PDLIM5: variants seen among roughly 807,000 people sequenced by gnomAD.
The protein encoded by PDLIM5 is PDZ and LIM domain protein 5.
In PDLIM5, 34 loss-of-function variants were observed where a neutral mutation model predicts 64.2. The observed-to-expected ratio is 0.53, with a 90% CI of 0.40 to 0.71. The LOEUF (loss-of-function observed/expected upper bound fraction) is 0.71. Among genes scored for constraint, PDLIM5 ranks in the 30% least tolerant of loss-of-function variants. The pLI is 0.00. For synonymous variants in PDLIM5, 253 were observed against 269.1 expected (o/e 0.94, Z 0.59); for missense variants, 683 against 733.6 (o/e 0.93, Z 0.80).
intron 8 of PDLIM5, among the ~76,000 whole-genome samples, chr4:94,620,320 GC>G (rs1425132637): frequency 6.6e-6 from 1 of 152,098 alleles, no homozygotes; most frequent in Non-Finnish European, 1.5e-5. Flanking sequence ...GATCACTTGA[GC>G]CCAGGAGTTT....
At position 94,649,523 on chromosome 4, in the gene PDLIM5, A is replaced by G. The variant is rs1366015420; in HGVS notation, c.1284-4937A>G. ...CAGCCTTTAATATCTAACATGCCAT[A>G]TATTTTATTTATCTTACTGTCATCT... On this transcript the variant is annotated intron_variant, in intron 9 of 12. Coordinates refer to ENST00000317968, the MANE Select transcript of PDLIM5 (RefSeq NM_006457.5). Among the ~76,000 whole-genome samples, 6 of 152,212 alleles carry G rather than the reference A, an allele frequency of 3.9e-5. No homozygotes were observed. The East Asian group carries it at 7.7e-4, about 20-fold the overall frequency.
intron 7 of PDLIM5, among the ~76,000 whole-genome samples, chr4:94,600,281 G>A (rs1205261133): frequency 2.0e-5 from 3 of 152,270 alleles, no homozygotes; most frequent in Non-Finnish European, 4.4e-5. Flanking sequence ...GAATGGGTGC[G>A]TTTGGGACAT....
At chr4:94,507,381 A>C (rs1040198308) in intron 2 of PDLIM5, among the ~76,000 whole-genome samples, 2 of 152,108 alleles carry the variant, frequency 1.3e-5, no homozygotes, top group Admixed American at 6.5e-5. Context: ...TCCAGCATCA[A>C]CTTGAAAATC....
chr4:94,546,718 C>T (rs545833816), intron 3 of PDLIM5, among the ~76,000 whole-genome samples: 40 of 152,100 alleles, frequency 2.6e-4, no homozygotes, highest in Admixed American at 7.9e-4. Context: ...GCTAAATCTA[C>T]GGTAAGTGGT....
chr4:94,474,374 CCGAG>C (rs1436158770), intron 2 of PDLIM5, among the ~76,000 whole-genome samples: 1 of 152,196 alleles, frequency 6.6e-6, no homozygotes, highest in Admixed American at 6.5e-5. Context: ...CCTCAGCCTC[CCGAG>C]CGGCTGGGAT....
chr4:94,515,614 T>G (rs1020294679), intron 2 of PDLIM5, among the ~76,000 whole-genome samples: 2 of 152,166 alleles, frequency 1.3e-5, no homozygotes, highest in Non-Finnish European at 2.9e-5. Context: ...ATTTTTTTGG[T>G]TATAGACGCC....
At chr4:94,474,539 C>G (rs1725158526) in intron 2 of PDLIM5, among the ~76,000 whole-genome samples, 1 of 152,208 alleles carries the variant, frequency 6.6e-6, no homozygotes, top group African/African-American at 2.4e-5. Flanking sequence ...GTGTGAGCCA[C>G]CATGCCTGGC....
intron 8 of PDLIM5, among the ~76,000 whole-genome samples, chr4:94,627,417 C>A (rs1739787243): frequency 6.6e-6 from 1 of 152,176 alleles, no homozygotes; most frequent in Non-Finnish European, 1.5e-5. Flanking sequence ...TCCCCATTTT[C>A]TTCTCTTTCT....
intron 3 of PDLIM5, among the ~76,000 whole-genome samples, chr4:94,548,154 C>T (rs553953859): frequency 6.6e-5 from 10 of 152,122 alleles, no homozygotes; most frequent in Admixed American, 1.3e-4. Flanking sequence ...TGTGTGTGCT[C>T]GAGCACTTTT....
chr4:94,576,462 G>A (rs1735269155), intron 5 of PDLIM5, among the ~76,000 whole-genome samples: 1 of 152,194 alleles, frequency 6.6e-6, no homozygotes. Context: ...GAATTTGTAA[G>A]GGGTTTTTTT....
chr4:94,647,769 C>T (rs191784587), intron 9 of PDLIM5, among the ~76,000 whole-genome samples: 17 of 152,148 alleles, frequency 1.1e-4, no homozygotes, highest in South Asian at 6.2e-4. Context: ...AGTCATAAAA[C>T]GAGTTTCAAT....
chr4:94,534,489 G>T (rs1446533927), intron 3 of PDLIM5, among the ~76,000 whole-genome samples: 1 of 152,074 alleles, frequency 6.6e-6, no homozygotes, highest in Non-Finnish European at 1.5e-5. Flanking sequence ...TATAATCTTT[G>T]CCCTTAAAGA....
At chr4:94,493,312 T>A (rs1388981534) in intron 2 of PDLIM5, among the ~76,000 whole-genome samples, 1 of 152,058 alleles carries the variant, frequency 6.6e-6, no homozygotes, top group Non-Finnish European at 1.5e-5. Context: ...TTCATTTTCT[T>A]GATGGATTTT....
chr4:94,535,864 A>G (rs1368463103), intron 3 of PDLIM5, among the ~76,000 whole-genome samples: 1 of 138,700 alleles, frequency 7.2e-6, no homozygotes, highest in East Asian at 2.1e-4. Flanking sequence ...TTTAATGTCA[A>G]GTGTTTTATG....
chr4:94,474,826 A>C (rs991469598), intron 2 of PDLIM5, among the ~76,000 whole-genome samples: 10 of 151,846 alleles, frequency 6.6e-5, no homozygotes, highest in Admixed American at 1.3e-4. Flanking sequence ...ATTTTTTGAA[A>C]TTTTTTGTAG....
At chr4:94,532,088 C>G (rs1232252847) in intron 3 of PDLIM5, among the ~76,000 whole-genome samples, 2 of 152,120 alleles carry the variant, frequency 1.3e-5, no homozygotes, top group Non-Finnish European at 1.5e-5. Flanking sequence ...TTTGCTAGTT[C>G]ATTCCTATGC....
chr4:94,556,120 G>T (rs1733293158), intron 3 of PDLIM5, among the ~76,000 whole-genome samples: 2 of 138,974 alleles, frequency 1.4e-5, no homozygotes, highest in African/African-American at 5.4e-5. Context: ...GTGTTCTCAT[G>T]GTTAAATTCC....
chr4:94,609,882 T>C (rs1001556634), intron 7 of PDLIM5, among the ~76,000 whole-genome samples: 2 of 152,184 alleles, frequency 1.3e-5, no homozygotes, highest in African/African-American at 4.8e-5. Context: ...TGATACGAGG[T>C]AATTTTAAAT....
chr4:94,644,615 C>T (rs1407878510), intron 9 of PDLIM5, among the ~76,000 whole-genome samples: 2 of 151,392 alleles, frequency 1.3e-5, no homozygotes, highest in Admixed American at 6.6e-5. Flanking sequence ...AACCTCGGCT[C>T]ACTGCAACCT....
Sources: allele counts gnomAD v4.1 joint callset (sites outside exome capture counted in the v4.1 genomes callset), GRCh38; gene constraint gnomAD v4.1.1; transcripts MANE v1.5; gene names NCBI Gene and HGNC (gene_info 2026-07-23, HGNC 2026-07-21).